Variants in PCDH15 observed in about 807,000 individuals in gnomAD.
The protein encoded by PCDH15 is protocadherin related 15.
Under a neutral mutation model 178.5 loss-of-function variants are expected in PCDH15, and 129 were observed. The observed-to-expected ratio is 0.72, with a 90% CI of 0.63 to 0.84. The LOEUF (loss-of-function observed/expected upper bound fraction) is 0.84. PCDH15 is among the 40% of genes least tolerant of loss of function. The probability of loss-of-function intolerance (pLI) is 0.00; values close to 1 mark genes in which losing one functional copy is unlikely to be tolerated. For synonymous variants in PCDH15, 800 were observed against 732.0 expected (o/e 1.09, Z -1.50); for missense variants, 2,230 against 2,099.9 (o/e 1.06, Z -1.21).
At chr10:54,481,595 G>C (rs576819762) in intron 3 of PCDH15, among the ~76,000 whole-genome samples, 1 of 151,790 alleles carries the variant, frequency 6.6e-6, no homozygotes, top group South Asian at 2.1e-4. Context: ...TAATCTAGAG[G>C]CTACTCTAAT....
intron 2 of PCDH15, among the ~76,000 whole-genome samples, chr10:55,038,554 A>G (rs1394487782): frequency 6.6e-6 from 1 of 152,230 alleles, no homozygotes; most frequent in Non-Finnish European, 1.5e-5. Context: ...ACTCTTTTAT[A>G]CGAGTCTGGT....
intron 3 of PCDH15, among the ~76,000 whole-genome samples, chr10:54,452,991 GGAGTA>G (rs2076576102): frequency 6.6e-6 from 1 of 152,040 alleles, no homozygotes; most frequent in African/African-American, 2.4e-5. Context: ...AGGTCGTACT[GGAGTA>G]GAGTAGGCCC....
intron 2 of PCDH15, among the ~76,000 whole-genome samples, chr10:54,557,282 G>C (rs2087416142): frequency 6.6e-6 from 1 of 152,126 alleles, no homozygotes; most frequent in South Asian, 2.1e-4. Flanking sequence ...CTAAAGACCA[G>C]TGTTAGGTTT....
At chr10:54,853,285 G>GTGTA (rs1554806754) in intron 3 of PCDH15, among the ~76,000 whole-genome samples, 1 of 85,288 alleles carries the variant, frequency 1.2e-5, no homozygotes, top group Non-Finnish European at 2.6e-5. Flanking sequence ...GTGTATGTAT[G>GTGTA]TGTGTATATA....
intron 2 of PCDH15, among the ~76,000 whole-genome samples, chr10:55,484,642 A>G (rs530215436): frequency 1.3e-5 from 2 of 151,870 alleles, no homozygotes; most frequent in South Asian, 4.1e-4. Flanking sequence ...TTCAAGAAAC[A>G]CTATATAGTC....
chr10:54,980,343 A>G (rs1839199253), intron 2 of PCDH15, among the ~76,000 whole-genome samples: 1 of 152,168 alleles, frequency 6.6e-6, no homozygotes, highest in Admixed American at 6.6e-5. Context: ...ATCTAATGAA[A>G]AGAGAGTAAA....
intron 11 of PCDH15, among the ~76,000 whole-genome samples, chr10:54,191,847 G>T (rs1000549836): frequency 4.0e-5 from 6 of 151,766 alleles, no homozygotes; most frequent in African/African-American, 1.5e-4. Context: ...CTTGAGCCAG[G>T]GAGGCAGAGG....
At chr10:54,139,252 A>T (rs1036095323) in intron 14 of PCDH15, among the ~76,000 whole-genome samples, 7 of 152,080 alleles carry the variant, frequency 4.6e-5, no homozygotes, top group African/African-American at 1.7e-4. Context: ...AAAAATACCC[A>T]TATCTTTAAT....
chr10:54,643,391 T>C (rs956277146), intron 2 of PCDH15, among the ~76,000 whole-genome samples: 1 of 152,220 alleles, frequency 6.6e-6, no homozygotes, highest in Non-Finnish European at 1.5e-5. Flanking sequence ...AGCAAAGATA[T>C]GTTTTCTTCC....
chr10:54,123,161 T>C (rs1263269671), intron 15 of PCDH15, among the ~76,000 whole-genome samples: 2 of 152,122 alleles, frequency 1.3e-5, no homozygotes, highest in African/African-American at 4.8e-5. Flanking sequence ...AAAATGATCA[T>C]TGATAAGTTG....
intron 3 of PCDH15, among the ~76,000 whole-genome samples, chr10:54,833,938 A>G (rs1463329923): frequency 2.0e-5 from 3 of 152,114 alleles, no homozygotes; most frequent in African/African-American, 7.2e-5. Context: ...AATGAGGACT[A>G]AAATATTTTA....
intron 21 of PCDH15, among the ~76,000 whole-genome samples, chr10:53,973,599 A>T (rs2089945672): frequency 6.6e-6 from 1 of 152,174 alleles, no homozygotes. Context: ...ACTGACCAGT[A>T]AATTACTTTT....
chr10:53,947,150 TTAAC>T (rs1434518680), intron 23 of PCDH15, among the ~76,000 whole-genome samples: 2 of 152,194 alleles, frequency 1.3e-5, no homozygotes, highest in Non-Finnish European at 2.9e-5. Flanking sequence ...TGAGTATATA[TTAAC>T]TAATTTTCTG....
At chr10:53,879,100 CTTT>C (rs34125585) in intron 26 of PCDH15, among the ~76,000 whole-genome samples, 2 of 150,064 alleles carry the variant, frequency 1.3e-5, no homozygotes, top group African/African-American at 4.9e-5. Context: ...TCTATTTGTT[CTTT>C]TTTTTTTTAA....
intron 10 of PCDH15, among the ~76,000 whole-genome samples, chr10:54,209,629 T>C (rs955907791): frequency 9.9e-5 from 15 of 152,086 alleles, no homozygotes; most frequent in Non-Finnish European, 1.6e-4. Context: ...TTTGTCACAA[T>C]TAAATAATAC....
At chr10:54,142,980 C>A (rs1041519091) in intron 14 of PCDH15, among the ~76,000 whole-genome samples, 8 of 152,046 alleles carry the variant, frequency 5.3e-5, no homozygotes, top group Non-Finnish European at 1.2e-4. Context: ...TTTGTGATAT[C>A]GAGTGTCTTA....
chr10:55,210,862 G>A (rs1485393018), intron 1 of PCDH15, among the ~76,000 whole-genome samples: 4 of 151,572 alleles, frequency 2.6e-5, no homozygotes, highest in African/African-American at 4.8e-5. Context: ...TCTTTACCTC[G>A]TGATACGCCC....
intron 2 of PCDH15, among the ~76,000 whole-genome samples, chr10:54,551,663 T>A (rs1207657303): frequency 1.3e-5 from 2 of 152,130 alleles, no homozygotes; most frequent in Admixed American, 6.6e-5. Context: ...TTAAAACAAA[T>A]CTAGAAATTA....
chr10:55,245,106 G>T (rs1841650313), intron 1 of PCDH15, among the ~76,000 whole-genome samples: 1 of 151,930 alleles, frequency 6.6e-6, no homozygotes, highest in Non-Finnish European at 1.5e-5. Context: ...ACACAAAGCT[G>T]GTAGTCAAAG....
Sources: gnomAD v4.1 joint callset for allele counts (sites outside exome capture counted in the v4.1 genomes callset) on GRCh38, gnomAD v4.1.1 for gene constraint, MANE v1.5 for transcripts, NCBI Gene and HGNC (gene_info 2026-07-23, HGNC 2026-07-21) for gene names.